USH2A: variants seen among roughly 807,000 people sequenced by gnomAD.
The protein encoded by USH2A is Usher syndrome 2A (autosomal recessive, mild).
A neutral mutation model predicts 538.9 loss-of-function variants in USH2A; 443 were observed. That is an observed-to-expected ratio of 0.82 (90% CI 0.76 to 0.89). USH2A has a LOEUF of 0.89. Ranked by LOEUF, USH2A falls within the 40% of genes least tolerant of loss-of-function variation. The pLI is 0.00. For missense variants in USH2A, 6,633 were observed against 6,324.8 expected, an observed-to-expected ratio of 1.05 and a Z score of -1.65; for synonymous variants, 2,413 against 2,273.5, an observed-to-expected ratio of 1.06 and a Z score of -1.75.
intron 37 of USH2A, among the ~76,000 whole-genome samples, chr1:215,935,135 G>A (rs1666461564): frequency 6.6e-6 from 1 of 152,018 alleles, no homozygotes; most frequent in Non-Finnish European, 1.5e-5. Flanking sequence ...TACTTGATGA[G>A]TTGTTTATAC....
intron 30 of USH2A, among the ~76,000 whole-genome samples, chr1:216,054,777 T>G (rs2030918831): frequency 6.6e-6 from 1 of 152,120 alleles, no homozygotes; most frequent in South Asian, 2.1e-4. Flanking sequence ...TCGAATCGCT[T>G]GTACAGCAAT....
At chr1:216,150,796 T>C (rs2033816202) in intron 21 of USH2A, among the ~76,000 whole-genome samples, 1 of 152,134 alleles carries the variant, frequency 6.6e-6, no homozygotes. Flanking sequence ...TTTATGTATC[T>C]CTCGGCAAAG....
chr1:216,142,663 A>G (rs998531807), intron 21 of USH2A, among the ~76,000 whole-genome samples: 1 of 152,196 alleles, frequency 6.6e-6, no homozygotes, highest in African/African-American at 2.4e-5. Context: ...GAGATCAGTA[A>G]AACAATATAT....
chr1:216,240,577 C>A (rs1365311109), intron 13 of USH2A, among the ~76,000 whole-genome samples: 2 of 151,066 alleles, frequency 1.3e-5, no homozygotes, highest in Non-Finnish European at 2.9e-5. Flanking sequence ...TTGCTAACAG[C>A]TAATGGTACA....
chr1:216,218,804 T>G (rs2035394995), intron 14 of USH2A, among the ~76,000 whole-genome samples: 1 of 152,070 alleles, frequency 6.6e-6, no homozygotes, highest in African/African-American at 2.4e-5. Context: ...CAAATAGATG[T>G]TTTGTTTAGG....
At chr1:216,093,086 T>A (rs1036496718) in intron 22 of USH2A, among the ~76,000 whole-genome samples, 8 of 152,088 alleles carry the variant, frequency 5.3e-5, no homozygotes, top group Non-Finnish European at 1.0e-4. Flanking sequence ...TGCCTCAGTC[T>A]CCCGAGTAGC....
At chr1:216,191,666 G>C (rs1413270402) in intron 19 of USH2A, among the ~76,000 whole-genome samples, 2 of 151,882 alleles carry the variant, frequency 1.3e-5, no homozygotes, top group South Asian at 4.2e-4. Flanking sequence ...AATTTTCTAA[G>C]TAAAATAAAC....
intron 3 of USH2A, among the ~76,000 whole-genome samples, chr1:216,378,303 A>G (rs1277045685): frequency 6.6e-6 from 1 of 152,154 alleles, no homozygotes; most frequent in Non-Finnish European, 1.5e-5. Context: ...ACTGTTCAGG[A>G]TCTTTCATTG....
chr1:216,321,339 A>G (rs996011505), intron 9 of USH2A, among the ~76,000 whole-genome samples: 2 of 152,104 alleles, frequency 1.3e-5, no homozygotes, highest in African/African-American at 4.8e-5. Context: ...TTCCACCTCA[A>G]CTATGGAATT....
At chr1:216,083,647 G>A in intron 25 of USH2A, 61 bp from the exon 26 acceptor site, 2 of 1,565,334 alleles carry the variant, frequency 1.3e-6, no homozygotes, top group South Asian at 1.1e-5. Context: ...AGCATTGTAA[G>A]GGTGCTAAGA....
chr1:215,906,939 T>C (rs191366885), intron 38 of USH2A, among the ~76,000 whole-genome samples: 4 of 152,128 alleles, frequency 2.6e-5, no homozygotes, highest in Non-Finnish European at 4.4e-5. Flanking sequence ...TCACCAACTT[T>C]ATCCTCTCAC....
intron 61 of USH2A, among the ~76,000 whole-genome samples, chr1:215,720,088 TGC>T (rs1659609642): frequency 6.6e-6 from 1 of 152,322 alleles, no homozygotes; most frequent in Non-Finnish European, 1.5e-5. Flanking sequence ...GACATATCAC[TGC>T]ATGACTTATG....
chr1:216,243,246 G>A (rs1480562396), intron 13 of USH2A, among the ~76,000 whole-genome samples: 1 of 152,076 alleles, frequency 6.6e-6, no homozygotes, highest in Non-Finnish European at 1.5e-5. Flanking sequence ...TATTTCCTCA[G>A]GACTCAAGAG....
At chr1:216,210,101 ACT>A (rs1052125108) in intron 15 of USH2A, among the ~76,000 whole-genome samples, 11 of 151,800 alleles carry the variant, frequency 7.2e-5, no homozygotes, top group African/African-American at 2.4e-4. Context: ...GGCCAAGAAG[ACT>A]CTGAATAGGC....
chr1:216,377,311 C>CA (rs1169944008), intron 3 of USH2A, among the ~76,000 whole-genome samples: 3 of 152,074 alleles, frequency 2.0e-5, no homozygotes, highest in African/African-American at 7.2e-5. Context: ...GCAGTTTTTG[C>CA]ACAATCAGTC....
chr1:215,640,299 C>A (rs1056342337), intron 68 of USH2A, among the ~76,000 whole-genome samples: 1 of 152,154 alleles, frequency 6.6e-6, no homozygotes, highest in African/African-American at 2.4e-5. Context: ...TGGGTCTTAT[C>A]CCTTCCTGGG....
intron 63 of USH2A, among the ~76,000 whole-genome samples, 192 bp from the exon 64 acceptor site, chr1:215,671,485 G>A (rs1179874280): frequency 6.6e-6 from 1 of 152,020 alleles, no homozygotes; most frequent in Non-Finnish European, 1.5e-5. Context: ...CCGAGATTGC[G>A]CCACTGCACT....
chr1:215,960,993 C>A (rs6658138), intron 37 of USH2A, among the ~76,000 whole-genome samples: 2,685 of 152,088 alleles, frequency 0.018, 41 homozygotes, highest in South Asian at 0.038. Context: ...TCAGGTCCAA[C>A]CTTTGTTGCC....
chr1:216,389,718 A>G (rs2039067933), intron 3 of USH2A, among the ~76,000 whole-genome samples: 1 of 152,184 alleles, frequency 6.6e-6, no homozygotes, highest in Non-Finnish European at 1.5e-5. Context: ...CATTTTCTTC[A>G]GTACAAATAC....
Sources: gnomAD v4.1 joint callset for allele counts (sites outside exome capture counted in the v4.1 genomes callset) on GRCh38, gnomAD v4.1.1 for gene constraint, MANE v1.5 for transcripts, NCBI Gene and HGNC (gene_info 2026-07-23, HGNC 2026-07-21) for gene names.